OPRK1: variants seen among roughly 807,000 people sequenced by gnomAD.
The protein encoded by OPRK1 is opioid receptor kappa 1, also known as kappa-type opioid receptor.
OPRK1 carries 15 observed loss-of-function variants against 24.5 expected under a neutral mutation model. That is an observed-to-expected ratio of 0.61 (90% confidence interval 0.41 to 0.94). OPRK1 has a LOEUF of 0.94. Ranked by LOEUF, OPRK1 falls within the 40% of genes least tolerant of loss-of-function variation. The pLI is 0.00. For synonymous variants in OPRK1, 205 were observed against 198.0 expected, an observed-to-expected ratio of 1.04 and a Z score of -0.30; for missense variants, 479 against 507.3, an observed-to-expected ratio of 0.94 and a Z score of 0.54.
rs200112237 is a variant in OPRK1 at position 53,228,978 on chromosome 8, C to T, written c.*319G>A. Reference sequence around the variant, plus strand: ...TTTGAAACTACGTTTCATAGGAAGGCCACAGCAGATGGGTGCTGAACCTTA... The same window carrying T: ...TTTGAAACTACGTTTCATAGGAAGGTCACAGCAGATGGGTGCTGAACCTTA... On this transcript the variant is annotated 3_prime_UTR_variant, in exon 4 of 4. Transcript: ENST00000265572. The T allele has an allele frequency of 4.9e-6, 1 of 204,916 alleles. No individual in the cohort carries two copies. Among genetic ancestry groups the T allele is most frequent in the Non-Finnish European group, 9.7e-6 (1 of 103,270 alleles). The allele number at this position is 204,916 out of a possible 1,614,324, so 12.7% of individuals were successfully genotyped here.
At chr8:53,238,875 G>C (rs1354926836) in intron 2 of OPRK1, 1 of 168,760 alleles carries the variant, frequency 5.9e-6, no homozygotes, top group Non-Finnish European at 1.2e-5. Context: ...GCTGTACTCA[G>C]ACAATATGCA....
At chr8:53,235,710 C>T (rs1806974843) in intron 2 of OPRK1, among the ~76,000 whole-genome samples, 1 of 152,160 alleles carries the variant, frequency 6.6e-6, no homozygotes, top group Admixed American at 6.5e-5. Context: ...TTGAATTCTG[C>T]TCTTACACAT....
At chr8:53,244,563 G>A (rs1366881327) in intron 2 of OPRK1, among the ~76,000 whole-genome samples, 5 of 152,176 alleles carry the variant, frequency 3.3e-5, no homozygotes, top group Non-Finnish European at 5.9e-5. Context: ...TCTGTATTGT[G>A]ATAGCAACAA....
Position 53,229,772 on chromosome 8 carries a change from T to C in OPRK1, c.668A>G (p.Asp223Gly). Residue 223 changes from aspartate to glycine, a missense_variant, in exon 4 of 4, where the codon GAC becomes GGC. By Grantham distance (94) the Asp-to-Gly change is moderately conservative. Coordinates refer to ENST00000265572, the MANE Select transcript of OPRK1 (RefSeq NM_000912.5). ...QFPDDDYSWW[D>G]LFMKICVFIF... The stretch of plus-strand genomic sequence containing the variant: ...GAAGACGCAGATCTTCATGAAGAGG[T>C]CCCACCAGGAGTAGTCATCATCTGG... The C allele has an allele frequency of 1.2e-6, 2 of 1,611,552 alleles. No homozygotes were observed. Among genetic ancestry groups the C allele is most frequent in the South Asian group, 2.2e-5 (2 of 90,632 alleles).
intron 3 of OPRK1, 111 bp downstream of exon 3, chr8:53,234,648 C>A: frequency 1.1e-6 from 1 of 909,252 alleles, no homozygotes; most frequent in Non-Finnish European, 1.7e-6. Flanking sequence ...ACATTTCCGT[C>A]GTCTTTTGGC....
chr8:53,238,007 G>T (rs1807032871), intron 2 of OPRK1, among the ~76,000 whole-genome samples: 1 of 152,168 alleles, frequency 6.6e-6, no homozygotes, highest in Admixed American at 6.5e-5. Context: ...ATAATTAAAA[G>T]TAATGAATAA....
At chr8:53,233,955 T>C (rs893068223) in intron 3 of OPRK1, among the ~76,000 whole-genome samples, 4 of 151,958 alleles carry the variant, frequency 2.6e-5, no homozygotes, top group Non-Finnish European at 5.9e-5. Flanking sequence ...CCCAGCACTT[T>C]GGGAGGCCGA....
At position 53,229,179 on chromosome 8, in the gene OPRK1, A is replaced by C; in HGVS notation, c.*118T>G. On this transcript the variant is annotated 3_prime_UTR_variant, in exon 4 of 4. Coordinates refer to ENST00000265572, the MANE Select transcript of OPRK1 (RefSeq NM_000912.5). Reference sequence around the variant, plus strand: ...GATGACTTCAGACCATGAGATCTCTAAAAGTTTATTTTAAATTCTATCTTT... The same window carrying C: ...GATGACTTCAGACCATGAGATCTCTCAAAGTTTATTTTAAATTCTATCTTT... The C allele has an allele frequency of 7.9e-7, 1 of 1,269,604 alleles. No homozygotes were observed. Among genetic ancestry groups the C allele is most frequent in the Non-Finnish European group, 1.1e-6 (1 of 930,368 alleles). The allele number at this position is 1,269,604 out of a possible 1,614,324, so 78.6% of individuals were successfully genotyped here. A position where few individuals can be genotyped will look rare whatever the true frequency, so the allele number is the denominator to read the frequency against.
At chr8:53,241,826 G>A (rs1807122294) in intron 2 of OPRK1, among the ~76,000 whole-genome samples, 1 of 152,206 alleles carries the variant, frequency 6.6e-6, no homozygotes, top group African/African-American at 2.4e-5. Flanking sequence ...GGCTACCCAT[G>A]CAGAGTGGCA....
chr8:53,231,624 A>T (rs1024893057), intron 3 of OPRK1, among the ~76,000 whole-genome samples: 1 of 152,184 alleles, frequency 6.6e-6, no homozygotes, highest in Non-Finnish European at 1.5e-5. Context: ...CTCCATCCAG[A>T]ATGTGAACTG....
At chr8:53,242,058 G>A (rs994137897) in intron 2 of OPRK1, among the ~76,000 whole-genome samples, 11 of 152,328 alleles carry the variant, frequency 7.2e-5, no homozygotes, top group Middle Eastern at 3.4e-3. Flanking sequence ...AATGACTGGC[G>A]TGCACTTTCC....
chr8:53,249,902 G>C (rs987387814), intron 2 of OPRK1, among the ~76,000 whole-genome samples: 8 of 152,134 alleles, frequency 5.3e-5, no homozygotes, highest in African/African-American at 1.9e-4. Context: ...AAGCTCTAGT[G>C]CTCCCAGAAA....
intron 2 of OPRK1, among the ~76,000 whole-genome samples, chr8:53,241,945 C>A (rs964568232): frequency 3.9e-5 from 6 of 152,184 alleles, no homozygotes; most frequent in African/African-American, 1.4e-4. Flanking sequence ...TGGAATCATG[C>A]GCCTCTGGAC....
intron 2 of OPRK1, among the ~76,000 whole-genome samples, chr8:53,245,054 T>C (rs1412947230): frequency 2.0e-5 from 3 of 152,350 alleles, no homozygotes; most frequent in Middle Eastern, 3.4e-3. Flanking sequence ...GTTATGTAAA[T>C]AGTTGTTATA....
intron 2 of OPRK1, among the ~76,000 whole-genome samples, chr8:53,246,161 G>A (rs1807222767): frequency 1.3e-5 from 2 of 152,182 alleles, no homozygotes; most frequent in Non-Finnish European, 2.9e-5. Context: ...AGGGGAGCAA[G>A]GAGAATGCCA....
chr8:53,234,908 A>G lies in OPRK1; in HGVS notation c.461T>C (p.Val154Ala). ...GTGGCACACGGCAATGTAGCGGTCC[A>G]CGCTCATCATGGTCAAGGTGAAGAT... ...TSIFTLTMMS[V>A]DRYIAVCHPV... The change falls in exon 3 of 4, where the codon GTG (valine) becomes GCG (alanine). Residue 154 changes from valine to alanine, a missense_variant. Val to Ala is a moderately conservative substitution (Grantham distance 64, BLOSUM62 0). Transcript: ENST00000265572. 1.2e-6 allele frequency: 2 copies of G among 1,614,190 alleles called. No homozygotes were observed. Among genetic ancestry groups the G allele is most frequent in the Non-Finnish European group, 1.7e-6 (2 of 1,180,042 alleles).
Position 53,250,869 on chromosome 8 carries a change from C to T in OPRK1, c.169G>A (p.Ala57Thr), listed in dbSNP as rs773268409. The T allele has an allele frequency of 6.2e-7, 1 of 1,613,320 alleles. No individual in the cohort carries two copies. Among genetic ancestry groups the T allele is most frequent in the South Asian group, 1.1e-5 (1 of 91,052 alleles). ...AQLEPAHISP[A>T]IPVIITAVYS... ...ACCGCCGTGATGATGACCGGGATGG[C>T]CGGGGAGATGTGCGCGGGCTCCAGC... The change falls in exon 2 of 4, where the codon GCC (alanine) becomes ACC (threonine). Residue 57 changes from alanine (A) to threonine (T), a missense_variant. By Grantham distance (58) the Ala-to-Thr change is moderately conservative. Coordinates refer to ENST00000265572, the MANE Select transcript of OPRK1 (RefSeq NM_000912.5).
chr8:53,246,710 A>T (rs1357228097), intron 2 of OPRK1, among the ~76,000 whole-genome samples: 1 of 152,176 alleles, frequency 6.6e-6, no homozygotes, highest in Non-Finnish European at 1.5e-5. Context: ...CAAAGTGTGT[A>T]TGTAGAGAAG....
At position 53,229,030 on chromosome 8, in the gene OPRK1, G is replaced by C. The variant is rs1806784341; in HGVS notation, c.*267C>G. 8.0e-6 allele frequency: 3 copies of C among 374,726 alleles called. No individual in the cohort carries two copies. Among genetic ancestry groups the C allele is most frequent in the South Asian group, 8.9e-5 (2 of 22,566 alleles). 23.2% of individuals were successfully genotyped at this position (374,726 alleles called of 1,614,324 possible). ...CTAGCAAACCAGAAGGAAAAGACCT[G>C]TTCCCTTGTTCATCAGAGGAACTGA... On this transcript the variant is annotated 3_prime_UTR_variant, in exon 4 of 4. Transcript: ENST00000265572.
Sources: allele counts gnomAD v4.1 joint callset (sites outside exome capture counted in the v4.1 genomes callset), GRCh38; gene constraint gnomAD v4.1.1; transcripts MANE v1.5; gene names NCBI Gene and HGNC (gene_info 2026-07-23, HGNC 2026-07-21).